Variants in CRYBG1 observed in about 807,000 individuals in gnomAD.
CRYBG1 encodes the protein beta/gamma crystallin domain-containing protein 1.
Under a neutral mutation model 189.2 loss-of-function variants are expected in CRYBG1, and 139 were observed. That is an observed-to-expected ratio of 0.73 (90% CI 0.64 to 0.85). The LOEUF (loss-of-function observed/expected upper bound fraction) is 0.85. Ranked by LOEUF, CRYBG1 falls within the 40% of genes least tolerant of loss-of-function variation. CRYBG1 has a pLI of 0.00. For missense variants in CRYBG1, 2,611 were observed against 2,675.8 expected (o/e 0.98, Z 0.53); for synonymous variants, 1,023 against 1,017.1 (o/e 1.01, Z -0.11).
At chr6:106,431,487 G>C (rs1582758581) in intron 1 of CRYBG1, among the ~76,000 whole-genome samples, 1 of 151,682 alleles carries the variant, frequency 6.6e-6, no homozygotes, top group African/African-American at 2.4e-5. Context: ...AAGCCCCCCA[G>C]TTCTAAAATA....
intron 20 of CRYBG1, among the ~76,000 whole-genome samples, chr6:106,562,290 G>A (rs1774742594): frequency 6.6e-6 from 1 of 152,140 alleles, no homozygotes; most frequent in African/African-American, 2.4e-5. Flanking sequence ...ACTAGCAGGA[G>A]GAACAGAAGT....
rs34773477 is a variant in CRYBG1, at chr6:106,566,464, C to CTTTTTTTTTTTTT, written c.6302-1995_6302-1983dup. ...TATCTAGCACGGTAGCAACAACAGT[C>CTTTTTTTTTTTTT]TTTTTTTTTTTTTTTTTTTTTTTTT... On this transcript the variant is annotated intron_variant, in intron 21 of 21. Transcript: ENST00000633556. 1.3e-3 allele frequency among the ~76,000 whole-genome samples: 93 copies of CTTTTTTTTTTTTT among 71,666 alleles called. 8 individuals are homozygous for CTTTTTTTTTTTTT. Among genetic ancestry groups the CTTTTTTTTTTTTT allele is most frequent in the Non-Finnish European group, 1.6e-3 (69 of 43,644 alleles). 47.0% of individuals were successfully genotyped at this position (71,666 alleles called of 152,430 possible).
chr6:106,540,844 A>T (rs544635210), intron 9 of CRYBG1, among the ~76,000 whole-genome samples: 8 of 152,166 alleles, frequency 5.3e-5, no homozygotes, highest in Non-Finnish European at 1.0e-4. Flanking sequence ...CAACTTTCCC[A>T]TTGCTGATTT....
At chr6:106,438,734 A>T (rs1377433149) in intron 1 of CRYBG1, among the ~76,000 whole-genome samples, 2 of 152,224 alleles carry the variant, frequency 1.3e-5, no homozygotes, top group African/African-American at 4.8e-5. Context: ...TAAACTATTG[A>T]TAGGAAAGTG....
chr6:106,552,387 AC>A lies in CRYBG1; in HGVS notation c.5472+173del, dbSNP rs531073441. The stretch of plus-strand genomic sequence containing the variant: ...GATCACTTGAGCTCAGGAGTTCAAG[AC>A]CAGCCTGACCAACATGGGGAAACCC... On this transcript the variant is annotated intron_variant, in intron 15 of 21. Coordinates refer to ENST00000633556, the MANE Select transcript of CRYBG1 (RefSeq NM_001371242.2). 90 of 353,642 alleles carry A rather than the reference AC, an allele frequency of 2.5e-4. No individual in the cohort carries two copies. The East Asian group carries it at 3.7e-3, about 15-fold the overall frequency. The allele number at this position is 353,642 out of a possible 1,614,324, so 21.9% of individuals were successfully genotyped here.
At chr6:106,425,966 T>G (rs375632674) in intron 1 of CRYBG1, among the ~76,000 whole-genome samples, 1 of 152,208 alleles carries the variant, frequency 6.6e-6, no homozygotes, top group African/African-American at 2.4e-5. Context: ...TGACCACATA[T>G]GCTGCATGGG....
intron 3 of CRYBG1, among the ~76,000 whole-genome samples, chr6:106,514,978 C>G (rs17560979): frequency 0.21 from 32,598 of 152,136 alleles, 3,923 homozygotes; most frequent in South Asian, 0.34. Flanking sequence ...TTTTCAGACC[C>G]TTTAATTCTT....
At chr6:106,409,082 C>T (rs1023559748) in intron 1 of CRYBG1, among the ~76,000 whole-genome samples, 2 of 152,070 alleles carry the variant, frequency 1.3e-5, no homozygotes, top group Admixed American at 6.6e-5. Context: ...GAAGTCAAAT[C>T]GTCTCTGTTT....
intron 2 of CRYBG1, among the ~76,000 whole-genome samples, chr6:106,482,566 G>T (rs550317927): frequency 1.6e-4 from 24 of 152,080 alleles, no homozygotes; most frequent in Middle Eastern, 3.2e-3. Context: ...ACAAGGTCAG[G>T]AGATCGAGAC....
At chr6:106,444,904 C>G (rs1274438654) in intron 1 of CRYBG1, among the ~76,000 whole-genome samples, 1 of 152,078 alleles carries the variant, frequency 6.6e-6, no homozygotes, top group African/African-American at 2.4e-5. Flanking sequence ...GAGGCTGAGG[C>G]AAGACAATCA....
chr6:106,562,611 C>T (rs557955950), intron 20 of CRYBG1, among the ~76,000 whole-genome samples: 275 of 152,074 alleles, frequency 1.8e-3, no homozygotes, highest in Non-Finnish European at 2.6e-3. Context: ...CTCAGCCTCT[C>T]GAGTAGCTGG....
At chr6:106,537,611 A>C (rs569640610) in intron 8 of CRYBG1, among the ~76,000 whole-genome samples, 2 of 152,346 alleles carry the variant, frequency 1.3e-5, no homozygotes, top group East Asian at 3.9e-4. Flanking sequence ...ATTTGTACAA[A>C]AAGGTACATA....
chr6:106,526,930 G>T lies in CRYBG1; in HGVS notation c.4413-375G>T, dbSNP rs530469081. ...CACTCTAGCCTGGGCAACAGAGCAA[G>T]ACTCTGTATCCAAAAAAAAAAAAAA... On this transcript the variant is annotated intron_variant, in intron 6 of 21. Coordinates refer to ENST00000633556, the MANE Select transcript of CRYBG1 (RefSeq NM_001371242.2). 1.1e-4 allele frequency among the ~76,000 whole-genome samples: 11 copies of T among 102,808 alleles called. 1 individual carries two copies. In the South Asian group the frequency reaches 3.3e-3, roughly 31 times the overall value. 67.4% of individuals were successfully genotyped at this position (102,808 alleles called of 152,430 possible).
chr6:106,538,826 C>G (rs1406691314), intron 8 of CRYBG1, among the ~76,000 whole-genome samples: 5 of 150,592 alleles, frequency 3.3e-5, no homozygotes, highest in African/African-American at 4.9e-5. Flanking sequence ...AACCAGGAGG[C>G]AGAGGTTGCA....
chr6:106,508,989 C>CTT (rs55649339), intron 2 of CRYBG1, among the ~76,000 whole-genome samples: 137,119 of 152,044 alleles, frequency 0.9, 61,928 homozygotes, highest in South Asian at 0.97. Flanking sequence ...GATCAAGCGT[C>CTT]TGCTGCATGG....
intron 2 of CRYBG1, among the ~76,000 whole-genome samples, chr6:106,491,284 G>T (rs878866422): frequency 4.6e-5 from 7 of 152,166 alleles, no homozygotes; most frequent in South Asian, 4.1e-4. Flanking sequence ...GCTGATGGAG[G>T]CTGAAGGCAG....
chr6:106,447,149 C>T (rs923175810), intron 1 of CRYBG1, among the ~76,000 whole-genome samples: 2 of 152,052 alleles, frequency 1.3e-5, no homozygotes, highest in Admixed American at 6.6e-5. Flanking sequence ...TAGCATTTGG[C>T]GGTTGTTTTA....
chr6:106,547,357 A>G (rs1774288875), intron 13 of CRYBG1, among the ~76,000 whole-genome samples: 1 of 152,266 alleles, frequency 6.6e-6, no homozygotes, highest in South Asian at 2.1e-4. Flanking sequence ...GTCCTCAAAG[A>G]AGTTACGGTA....
intron 16 of CRYBG1, among the ~76,000 whole-genome samples, chr6:106,554,550 T>G (rs1774489251): frequency 1.3e-5 from 2 of 151,958 alleles, no homozygotes; most frequent in African/African-American, 4.8e-5. Context: ...AGGCAGAGGT[T>G]GCAGTAAGTT....
Sources: gnomAD v4.1 joint callset for allele counts (sites outside exome capture counted in the v4.1 genomes callset) on GRCh38, gnomAD v4.1.1 for gene constraint, MANE v1.5 for transcripts, NCBI Gene and HGNC (gene_info 2026-07-23, HGNC 2026-07-21) for gene names.